The following ACER3 variants were observed in gnomAD, a reference collection of about 807,000 sequenced individuals.
ACER3 encodes the protein alkCDase 3.
ACER3 carries 16 observed loss-of-function variants against 48.9 expected under a neutral mutation model. That is an observed-to-expected ratio of 0.33 (90% CI 0.22 to 0.50). The LOEUF (loss-of-function observed/expected upper bound fraction) is 0.50, where lower values mean the gene tolerates loss of function less well. ACER3 is among the 20% of genes least tolerant of loss of function. The pLI is 0.98. For missense variants in ACER3, 227 were observed against 326.0 expected (o/e 0.70, Z 2.34); for synonymous variants, 109 against 107.8 (o/e 1.01, Z -0.07).
chr11:76,860,964 C>A lies in ACER3; in HGVS notation c.-13C>A. The A allele has an allele frequency of 6.6e-7, 1 of 1,519,716 alleles. No homozygotes were observed. The highest frequency in any genetic ancestry group is 2.5e-5 in the East Asian group (1 of 39,232). 94.1% of individuals were successfully genotyped at this position (1,519,716 alleles called of 1,614,324 possible). A position where few individuals can be genotyped will look rare whatever the true frequency, so the allele number is the denominator to read the frequency against. On this transcript the variant is annotated 5_prime_UTR_variant, in exon 1 of 11. Coordinates refer to ENST00000532485, the MANE Select transcript of ACER3 (RefSeq NM_018367.7). The stretch of plus-strand genomic sequence containing the variant: ...AGTGAGCGGAGCGCCTGGGCGGCGG[C>A]GGCGGCGGCGTGATGGCTCCGGCCG...
chr11:76,903,183 A>G (rs1384019692), intron 1 of ACER3, among the ~76,000 whole-genome samples: 3 of 152,132 alleles, frequency 2.0e-5, no homozygotes, highest in African/African-American at 7.2e-5. Flanking sequence ...TATTTATTGA[A>G]AAAAATCCAC....
intron 1 of ACER3, among the ~76,000 whole-genome samples, chr11:76,921,452 G>A (rs1946683891): frequency 6.6e-6 from 1 of 152,186 alleles, no homozygotes; most frequent in African/African-American, 2.4e-5. Flanking sequence ...ATATGCAGTT[G>A]ATCCAGTATC....
chr11:76,940,109 A>G (rs1424348338), intron 2 of ACER3, among the ~76,000 whole-genome samples: 1 of 152,210 alleles, frequency 6.6e-6, no homozygotes, highest in Admixed American at 6.5e-5. Flanking sequence ...ATAGTTGAGC[A>G]AAATAACAAT....
intron 1 of ACER3, among the ~76,000 whole-genome samples, chr11:76,888,299 T>G (rs927067990): frequency 6.6e-6 from 1 of 152,240 alleles, no homozygotes; most frequent in Non-Finnish European, 1.5e-5. Context: ...GATCTGAAAT[T>G]TAAGCTATAT....
chr11:76,882,299 C>T (rs781233935), intron 1 of ACER3, among the ~76,000 whole-genome samples: 8 of 152,088 alleles, frequency 5.3e-5, no homozygotes, highest in African/African-American at 9.7e-5. Context: ...CCATTGTGCC[C>T]GGCCCAAAAT....
rs1945020509 is a variant in ACER3, at chr11:76,864,410, T to C, written c.103+3331T>C. Among the ~76,000 whole-genome samples, 10 of 152,326 alleles carry C rather than the reference T, an allele frequency of 6.6e-5. No homozygotes were observed. In the South Asian group the frequency reaches 1.9e-3, roughly 28 times the overall value. Reference sequence around the variant, plus strand: ...ATCTTTAAAACTTTTTGTCAAACATTGTAAACTCTCTTACTGTTGGTTATG... The same window carrying C: ...ATCTTTAAAACTTTTTGTCAAACATCGTAAACTCTCTTACTGTTGGTTATG... On this transcript the variant is annotated intron_variant, in intron 1 of 10. Transcript: ENST00000532485.
intron 1 of ACER3, among the ~76,000 whole-genome samples, chr11:76,866,743 G>T (rs1945099198): frequency 6.6e-6 from 1 of 152,198 alleles, no homozygotes; most frequent in African/African-American, 2.4e-5. Flanking sequence ...TCTTGGAGAA[G>T]TTAGTTAAAT....
intron 3 of ACER3, 109 bp downstream of exon 3, chr11:76,959,140 G>C: frequency 1.3e-6 from 2 of 1,570,462 alleles, no homozygotes; most frequent in Non-Finnish European, 1.7e-6. Flanking sequence ...TGTAATCTCT[G>C]GAGTTTTTTA....
At chr11:76,951,953 C>T (rs1439229840) in intron 2 of ACER3, among the ~76,000 whole-genome samples, 1 of 152,068 alleles carries the variant, frequency 6.6e-6, no homozygotes. Context: ...AACTACTGGC[C>T]TTATCAAACA....
intron 3 of ACER3, among the ~76,000 whole-genome samples, chr11:76,962,547 G>C (rs1472528779): frequency 6.6e-6 from 1 of 151,334 alleles, no homozygotes; most frequent in Non-Finnish European, 1.5e-5. Flanking sequence ...GGTTTATTCT[G>C]AGCCAATATT....
chr11:76,959,333 C>T, intron 3 of ACER3: 1 of 789,672 alleles, frequency 1.3e-6, no homozygotes, highest in Middle Eastern at 4.9e-4. Context: ...AATCAGTTCA[C>T]CAGAACAATA....
chr11:76,930,796 A>C (rs892027456), intron 2 of ACER3, among the ~76,000 whole-genome samples: 3 of 151,870 alleles, frequency 2.0e-5, no homozygotes, highest in African/African-American at 7.2e-5. Flanking sequence ...TCTTAATCCT[A>C]AGTTCTAGTT....
chr11:76,876,668 G>A (rs536659908), intron 1 of ACER3, among the ~76,000 whole-genome samples: 77 of 152,282 alleles, frequency 5.1e-4, no homozygotes, highest in African/African-American at 1.8e-3. Context: ...TTTACACACA[G>A]AGCATTTGAT....
At chr11:76,985,023 C>T (rs901894694) in intron 4 of ACER3, among the ~76,000 whole-genome samples, 1 of 152,122 alleles carries the variant, frequency 6.6e-6, no homozygotes, top group Non-Finnish European at 1.5e-5. Flanking sequence ...TTTGTATCTG[C>T]TATATTTTTC....
At chr11:76,936,055 C>A (rs945187222) in intron 2 of ACER3, among the ~76,000 whole-genome samples, 2 of 152,122 alleles carry the variant, frequency 1.3e-5, no homozygotes, top group African/African-American at 4.8e-5. Context: ...AAGACATACC[C>A]AAGACTAGGA....
chr11:76,892,119 T>C (rs1945822553), intron 1 of ACER3, among the ~76,000 whole-genome samples: 1 of 152,304 alleles, frequency 6.6e-6, no homozygotes, highest in Non-Finnish European at 1.5e-5. Context: ...AGCTATAATA[T>C]ACTGGAAAAA....
intron 3 of ACER3, among the ~76,000 whole-genome samples, chr11:76,974,050 C>G (rs1382379459): frequency 6.6e-6 from 1 of 152,202 alleles, no homozygotes; most frequent in African/African-American, 2.4e-5. Context: ...GTGAGTTTAT[C>G]AGCTCTCAAT....
At position 76,990,614 on chromosome 11, in the gene ACER3, A is replaced by T. The variant is rs201838345; in HGVS notation, c.438+40A>T. 77 of 1,203,446 alleles carry T rather than the reference A, an allele frequency of 6.4e-5. No homozygotes were observed. The South Asian group carries it at 9.3e-4, about 14-fold the overall frequency. The allele number at this position is 1,203,446 out of a possible 1,614,324, so 74.5% of individuals were successfully genotyped here. ...ATTATTACACATTAGATTGTTTACG[A>T]TACATGGCTGCTTTGTGATTTCCTT... On this transcript the variant is annotated intron_variant, in intron 6 of 10. Coordinates refer to ENST00000532485, the MANE Select transcript of ACER3 (RefSeq NM_018367.7).
intron 9 of ACER3, among the ~76,000 whole-genome samples, chr11:77,018,014 C>T (rs1344685192): frequency 7.6e-6 from 1 of 132,450 alleles, no homozygotes; most frequent in Admixed American, 9.2e-5. Context: ...TCTTGGCTCA[C>T]TGCAACCTCC....
Sources: gnomAD v4.1 joint callset for allele counts (sites outside exome capture counted in the v4.1 genomes callset) on GRCh38, gnomAD v4.1.1 for gene constraint, MANE v1.5 for transcripts, NCBI Gene and HGNC (gene_info 2026-07-23, HGNC 2026-07-21) for gene names.